Variants in MFN1 observed in about 807,000 individuals in gnomAD.
MFN1 encodes mitofusin-1.
Under a neutral mutation model 92.4 loss-of-function variants are expected in MFN1, and 65 were observed. The observed-to-expected ratio is 0.70, with a 90% CI of 0.58 to 0.86. The LOEUF is 0.86. Among genes scored for constraint, MFN1 ranks in the 40% least tolerant of loss-of-function variants. The pLI is 0.00. For missense variants in MFN1, 781 were observed against 868.0 expected (o/e 0.90, Z 1.26); for synonymous variants, 297 against 300.9 (o/e 0.99, Z 0.13).
chr3:179,378,767 A>G lies in MFN1; in HGVS notation c.1615A>G (p.Arg539Gly). 1 of 1,613,968 alleles carries G rather than the reference A, an allele frequency of 6.2e-7. No individual in the cohort carries two copies. Among genetic ancestry groups the G allele is most frequent in the Non-Finnish European group, 8.5e-7 (1 of 1,179,856 alleles). Residue 539 changes from arginine to glycine, a missense_variant, in exon 14 of 18, where the codon AGA (arginine) becomes GGA (glycine). Coordinates refer to ENST00000471841, the MANE Select transcript of MFN1 (RefSeq NM_033540.3). ...SSLVHRFLGP[R>G]NAQRVLLGLS... ...CCTTGTACATCGATTTTTGGGCCCTAGAAATGCTCAAAGGGTGCTCCTAGG... is the reference window on the plus strand; with the variant it reads ...CCTTGTACATCGATTTTTGGGCCCTGGAAATGCTCAAAGGGTGCTCCTAGG...
At chr3:179,368,007 G>A in intron 8 of MFN1, 29 bp from the exon 9 acceptor site, 3 of 1,451,890 alleles carry the variant, frequency 2.1e-6, no homozygotes, top group South Asian at 1.6e-5. Context: ...TACATACTAG[G>A]TTTTTAAATC....
chr3:179,367,737 A>C (rs1240365321), intron 8 of MFN1, 145 bp downstream of exon 8: 5 of 583,464 alleles, frequency 8.6e-6, no homozygotes, highest in Non-Finnish European at 1.4e-5. Flanking sequence ...AGCCTGGCCA[A>C]CATGGTGAAA....
chr3:179,355,228 G>A (rs955746396), intron 3 of MFN1, among the ~76,000 whole-genome samples: 1 of 152,006 alleles, frequency 6.6e-6, no homozygotes, highest in South Asian at 2.1e-4. Context: ...CACTTTCATC[G>A]CCATCTTGGT....
chr3:179,358,770 T>C (rs760076877), intron 3 of MFN1, 70 bp from the exon 4 acceptor site: 139 of 1,493,670 alleles, frequency 9.3e-5, no homozygotes, highest in Non-Finnish European at 1.2e-4. Flanking sequence ...AAAGTTGATA[T>C]TAGACCCAGT....
chr3:179,391,709 T>C (rs968385614), intron 17 of MFN1, among the ~76,000 whole-genome samples: 51 of 152,156 alleles, frequency 3.4e-4, no homozygotes, highest in African/African-American at 1.2e-3. Flanking sequence ...TTAAAGGAAA[T>C]ATTTTTGGTA....
intron 3 of MFN1, among the ~76,000 whole-genome samples, chr3:179,353,220 ATTTTT>A (rs34658521): frequency 7.6e-6 from 1 of 130,892 alleles, no homozygotes; most frequent in African/African-American, 2.9e-5. Context: ...CACCTGGCTA[ATTTTT>A]TTTTTTTTTT....
intron 14 of MFN1, among the ~76,000 whole-genome samples, chr3:179,379,833 AAAAG>A (rs1437856313): frequency 6.6e-6 from 1 of 152,212 alleles, no homozygotes; most frequent in African/African-American, 2.4e-5. Context: ...TATATGACCT[AAAAG>A]AAAGAACAAC....
intron 4 of MFN1, among the ~76,000 whole-genome samples, chr3:179,361,126 A>C (rs1712558704): frequency 6.6e-6 from 1 of 152,190 alleles, no homozygotes; most frequent in Non-Finnish European, 1.5e-5. Context: ...AAGAAAAGAA[A>C]ATACTAATCA....
intron 3 of MFN1, among the ~76,000 whole-genome samples, chr3:179,352,428 C>G (rs1232864389): frequency 6.6e-6 from 1 of 152,214 alleles, no homozygotes; most frequent in Non-Finnish European, 1.5e-5. Flanking sequence ...AGGCTCTTGT[C>G]TGAGATAACT....
chr3:179,372,678 T>C (rs898961124), intron 9 of MFN1, among the ~76,000 whole-genome samples: 1 of 152,196 alleles, frequency 6.6e-6, no homozygotes, highest in Non-Finnish European at 1.5e-5. Context: ...CAGTAACTTA[T>C]ATTGCCTAAT....
intron 9 of MFN1, 129 bp downstream of exon 9, chr3:179,368,232 G>A (rs910827181): frequency 3.9e-6 from 2 of 518,120 alleles, no homozygotes; most frequent in Non-Finnish European, 5.9e-6. Flanking sequence ...TACTGACACA[G>A]CCAGTAAAAT....
intron 16 of MFN1, among the ~76,000 whole-genome samples, chr3:179,387,662 C>T (rs1397343479): frequency 1.5e-5 from 2 of 134,274 alleles, no homozygotes; most frequent in Admixed American, 8.1e-5. Flanking sequence ...GGCACAATCT[C>T]GGCTCACTGC....
intron 14 of MFN1, among the ~76,000 whole-genome samples, chr3:179,381,392 G>A (rs746850298): frequency 6.6e-6 from 1 of 152,202 alleles, no homozygotes; most frequent in Non-Finnish European, 1.5e-5. Context: ...ACTGTGTACC[G>A]GAACTTTTTA....
chr3:179,390,078 C>G lies in MFN1; in HGVS notation c.2087C>G (p.Ala696Gly), dbSNP rs756390548. The G allele has an allele frequency of 1.7e-5, 28 of 1,606,246 alleles. No homozygotes were observed. The highest frequency in any genetic ancestry group is 2.7e-5 in the African/African-American group (2 of 74,642). The change falls in exon 17 of 18, where the codon GCT becomes GGT. Residue 696 changes from alanine to glycine, a missense_variant. Coordinates refer to ENST00000471841, the MANE Select transcript of MFN1 (RefSeq NM_033540.3). ...CAAAAACAGCTGGAAGAAGAAATTG[C>G]TAGATTACCCAAAGAAATAGATCAG... ...ITQKQLEEEI[A>G]RLPKEIDQLE...
chr3:179,391,904 C>T, intron 17 of MFN1, 77 bp from the exon 18 acceptor site: 1 of 888,936 alleles, frequency 1.1e-6, no homozygotes. Context: ...AAGTTTTTGT[C>T]TTTTAATAAT....
At chr3:179,381,811 G>A (rs1713476984) in intron 14 of MFN1, among the ~76,000 whole-genome samples, 1 of 152,152 alleles carries the variant, frequency 6.6e-6, no homozygotes, top group African/African-American at 2.4e-5. Context: ...GTTTGGACTT[G>A]GGTCCCATCC....
chr3:179,378,794 T>C lies in MFN1; in HGVS notation c.1642T>C (p.Leu548=). The C allele has an allele frequency of 6.2e-7, 1 of 1,612,706 alleles. No homozygotes were observed. The highest frequency in any genetic ancestry group is 8.5e-7 in the Non-Finnish European group (1 of 1,178,856). Residue 548 remains leucine (L), a synonymous_variant, in exon 14 of 18, where the codon TTA becomes CTA. Transcript: ENST00000471841. The stretch of plus-strand genomic sequence containing the variant: ...AAATGCTCAAAGGGTGCTCCTAGGA[T>C]TATCAGAGCCTATCTTTCAGGTATG... ...PRNAQRVLLG[L]SEPIFQLPRS...
intron 6 of MFN1, among the ~76,000 whole-genome samples, chr3:179,364,852 T>G (rs781172357): frequency 9.2e-4 from 138 of 150,094 alleles, no homozygotes; most frequent in Non-Finnish European, 7.5e-4. Context: ...ACTTAGAAGA[T>G]TATTTAGCCA....
chr3:179,364,444 A>G, intron 6 of MFN1, 39 bp downstream of exon 6: 9 of 1,410,092 alleles, frequency 6.4e-6, no homozygotes, highest in Non-Finnish European at 9.0e-6. Flanking sequence ...GATGGTAGGA[A>G]ATGAAATGGT....
Sources: allele counts gnomAD v4.1 joint callset (sites outside exome capture counted in the v4.1 genomes callset), GRCh38; gene constraint gnomAD v4.1.1; transcripts MANE v1.5; gene names NCBI Gene and HGNC (gene_info 2026-07-23, HGNC 2026-07-21).